The following RAD51B variants were observed in gnomAD, a reference collection of about 807,000 sequenced individuals.
The protein encoded by RAD51B is RAD51 paralog B.
In RAD51B, 38 loss-of-function variants were observed where a neutral mutation model predicts 42.2. The ratio of observed to expected loss-of-function variants is 0.90; its 90% CI spans 0.70 to 1.18. The LOEUF (loss-of-function observed/expected upper bound fraction) is 1.18. Ranked by LOEUF, RAD51B falls within the 50% of genes most tolerant of loss-of-function variation. The pLI, the probability that RAD51B is intolerant of heterozygous loss-of-function variation, is 0.00. For missense variants in RAD51B, 373 were observed against 400.7 expected, an observed-to-expected ratio of 0.93 and a Z score of 0.59; for synonymous variants, 154 against 145.2, an observed-to-expected ratio of 1.06 and a Z score of -0.43.
chr14:67,849,788 T>G (rs1200169478), intron 4 of RAD51B, among the ~76,000 whole-genome samples: 1 of 152,164 alleles, frequency 6.6e-6, no homozygotes, highest in Non-Finnish European at 1.5e-5. Flanking sequence ...TTTATTAGAT[T>G]CTTTGTGTTG....
At chr14:68,322,211 T>G (rs1291585493) in intron 8 of RAD51B, among the ~76,000 whole-genome samples, 1 of 152,248 alleles carries the variant, frequency 6.6e-6, no homozygotes, top group Non-Finnish European at 1.5e-5. Flanking sequence ...TATGTTCGAC[T>G]TCTGTATGGT....
intron 7 of RAD51B, among the ~76,000 whole-genome samples, chr14:68,135,828 G>C (rs2077996582): frequency 6.6e-6 from 1 of 152,166 alleles, no homozygotes; most frequent in African/African-American, 2.4e-5. Context: ...TTGCCAAGTA[G>C]AGAAATTTTC....
chr14:68,665,002 T>C (rs1425257178), intron 11 of RAD51B, among the ~76,000 whole-genome samples: 1 of 152,236 alleles, frequency 6.6e-6, no homozygotes, highest in Non-Finnish European at 1.5e-5. Flanking sequence ...TTCAGCCCCT[T>C]TCTTCCCCTA....
chr14:68,517,101 C>T (rs144407929), intron 10 of RAD51B, among the ~76,000 whole-genome samples: 1 of 152,224 alleles, frequency 6.6e-6, no homozygotes, highest in East Asian at 1.9e-4. Context: ...GTGACTAGTG[C>T]AGATCACAAC....
Position 68,540,078 on chromosome 14 carries a change from G to A in RAD51B, c.1037-54407G>A, listed in dbSNP as rs187233351. 5.2e-3 allele frequency: 2,962 copies of A among 572,650 alleles called. 9 individuals carry two copies. The highest frequency in any genetic ancestry group is 6.0e-3 in the Non-Finnish European group (2,656 of 444,626). The allele number at this position is 572,650 out of a possible 1,614,324, so 35.5% of individuals were successfully genotyped here. A position where few individuals can be genotyped will look rare whatever the true frequency, so the allele number is the denominator to read the frequency against. On this transcript the variant is annotated intron_variant, in intron 10 of 10. Transcript: ENST00000487270. ...GGTGAGCAGCTGTACCAAAGCAATAGAGGGACAGAGAGAAGCCACTGGACA... is the reference window on the plus strand; with the variant it reads ...GGTGAGCAGCTGTACCAAAGCAATAAAGGGACAGAGAGAAGCCACTGGACA...
At chr14:68,072,790 C>T (rs1405913125) in intron 7 of RAD51B, among the ~76,000 whole-genome samples, 4 of 152,048 alleles carry the variant, frequency 2.6e-5, no homozygotes, top group African/African-American at 7.2e-5. Flanking sequence ...CATTGTTTAC[C>T]CTTAATTCAT....
intron 11 of RAD51B, among the ~76,000 whole-genome samples, chr14:68,657,202 A>T (rs1171814905): frequency 6.6e-6 from 1 of 152,124 alleles, no homozygotes; most frequent in Non-Finnish European, 1.5e-5. Context: ...TCCATATTGG[A>T]CATTGTAGGT....
chr14:68,497,293 T>C (rs1884599683), intron 10 of RAD51B: 2 of 1,281,242 alleles, frequency 1.6e-6, no homozygotes, highest in South Asian at 1.5e-5. Context: ...GCTTAAGTCA[T>C]GGAATTCTAG....
At chr14:68,317,241 A>G (rs1208258953) in intron 8 of RAD51B, among the ~76,000 whole-genome samples, 2 of 152,224 alleles carry the variant, frequency 1.3e-5, no homozygotes, top group East Asian at 1.9e-4. Context: ...TTTCATGGTT[A>G]TAATGAGAAG....
At chr14:68,635,483 G>A (rs990563396) in intron 10 of RAD51B, among the ~76,000 whole-genome samples, 4 of 151,948 alleles carry the variant, frequency 2.6e-5, no homozygotes, top group African/African-American at 9.7e-5. Context: ...TTTTCTGATA[G>A]CCACACATCT....
intron 7 of RAD51B, among the ~76,000 whole-genome samples, chr14:67,938,895 A>G (rs1013291986): frequency 5.9e-5 from 9 of 152,170 alleles, no homozygotes; most frequent in Non-Finnish European, 1.2e-4. Flanking sequence ...TTTGCCATCT[A>G]GGGAGATAAT....
intron 10 of RAD51B, among the ~76,000 whole-genome samples, chr14:68,574,343 C>T (rs779049685): frequency 3.3e-5 from 5 of 152,164 alleles, no homozygotes; most frequent in South Asian, 4.1e-4. Flanking sequence ...CCGCCTTGGC[C>T]TCCCAAAGTG....
At chr14:68,549,354 A>T (rs1413763334) in intron 10 of RAD51B, among the ~76,000 whole-genome samples, 1 of 150,276 alleles carries the variant, frequency 6.7e-6, no homozygotes, top group Non-Finnish European at 1.5e-5. Context: ...TCATTGGTGC[A>T]GCTAACCACA....
intron 10 of RAD51B, among the ~76,000 whole-genome samples, chr14:68,551,968 G>T (rs191529312): frequency 1.3e-5 from 2 of 152,328 alleles, no homozygotes; most frequent in Admixed American, 1.3e-4. Context: ...CAGGGACCAC[G>T]TCTTTACCTA....
At chr14:68,280,087 C>A (rs565969785) in intron 7 of RAD51B, among the ~76,000 whole-genome samples, 2 of 152,346 alleles carry the variant, frequency 1.3e-5, no homozygotes, top group South Asian at 4.1e-4. Context: ...GTGGCCAAGA[C>A]AGAAATAGAA....
chr14:68,342,551 T>TTC (rs933735072), intron 8 of RAD51B, among the ~76,000 whole-genome samples: 1 of 152,016 alleles, frequency 6.6e-6, no homozygotes. Flanking sequence ...TACCCATGCC[T>TTC]TCTCTCTCTC....
chr14:68,571,326 G>A (rs1566941374), intron 10 of RAD51B, among the ~76,000 whole-genome samples: 1 of 152,194 alleles, frequency 6.6e-6, no homozygotes, highest in Non-Finnish European at 1.5e-5. Flanking sequence ...GTATAATCCT[G>A]GAGGTCAGAA....
intron 7 of RAD51B, among the ~76,000 whole-genome samples, chr14:68,183,414 A>C (rs1018904287): frequency 6.6e-6 from 1 of 152,174 alleles, no homozygotes; most frequent in Admixed American, 6.5e-5. Context: ...CTTTCTAGCC[A>C]CACTGGCAGC....
rs2078230399 is a variant in RAD51B at position 68,145,495 on chromosome 14, A to G, written c.757-146389A>G. Among the ~76,000 whole-genome samples the G allele has an allele frequency of 3.9e-5, 6 of 152,342 alleles. No individual in the cohort carries two copies. In the South Asian group the frequency reaches 1.2e-3, roughly 32 times the overall value. On this transcript the variant is annotated intron_variant, in intron 7 of 10. Coordinates refer to ENST00000471583, the MANE Select transcript of RAD51B (RefSeq NM_133510.4). ...TAAATTATATAACCTACATTAAAGTACCTGTTACACATATTATGTTTAATA... is the reference window on the plus strand; with the variant it reads ...TAAATTATATAACCTACATTAAAGTGCCTGTTACACATATTATGTTTAATA...
Sources: gnomAD v4.1 joint callset for allele counts (sites outside exome capture counted in the v4.1 genomes callset) on GRCh38, gnomAD v4.1.1 for gene constraint, MANE v1.5 for transcripts, NCBI Gene and HGNC (gene_info 2026-07-23, HGNC 2026-07-21) for gene names.